PCDH15: variants seen among roughly 807,000 people sequenced by gnomAD.
PCDH15 encodes protocadherin related 15.
PCDH15 carries 129 observed loss-of-function variants against 178.5 expected under a neutral mutation model. The observed-to-expected ratio is 0.72, with a 90% CI of 0.63 to 0.84. PCDH15 has a LOEUF of 0.84. PCDH15 is among the 40% of genes least tolerant of loss of function. The pLI, the probability that PCDH15 is intolerant of heterozygous loss-of-function variation, is 0.00. For synonymous variants in PCDH15, 800 were observed against 732.0 expected (o/e 1.09, Z -1.50); for missense variants, 2,230 against 2,099.9 (o/e 1.06, Z -1.21).
chr10:53,809,694 T>C lies in PCDH15; in HGVS notation c.4671+862A>G, dbSNP rs571654780. The C allele has an allele frequency of 1.0e-5, 8 of 766,014 alleles. No homozygotes were observed. In the Admixed American group the frequency reaches 1.7e-4, roughly 16 times the overall value. 47.5% of individuals were successfully genotyped at this position (766,014 alleles called of 1,614,324 possible). On this transcript the variant is annotated intron_variant, in intron 37 of 37. Transcript: ENST00000644397. ...GCTTAAGAAAATAATCACAAAAATT[T>C]CTACTGCATATAGACAGAAGGTGAT...
intron 3 of PCDH15, among the ~76,000 whole-genome samples, chr10:54,502,030 C>T (rs1164200737): frequency 1.3e-5 from 2 of 151,670 alleles, no homozygotes; most frequent in African/African-American, 4.8e-5. Flanking sequence ...TCCTTTTCCT[C>T]CTCCTTCTCC....
At chr10:54,283,827 G>T (rs2058857565) in intron 8 of PCDH15, among the ~76,000 whole-genome samples, 1 of 152,008 alleles carries the variant, frequency 6.6e-6, no homozygotes, top group African/African-American at 2.4e-5. Flanking sequence ...AAATTAACAT[G>T]AGAAGACATG....
At chr10:55,258,758 CTTT>C (rs11398382) in intron 1 of PCDH15, among the ~76,000 whole-genome samples, 4 of 108,160 alleles carry the variant, frequency 3.7e-5, no homozygotes, top group Admixed American at 1.1e-4. Context: ...TGTTTGTCTG[CTTT>C]TTTTTTTTTT....
chr10:54,584,605 T>C (rs2091315034), intron 2 of PCDH15, among the ~76,000 whole-genome samples: 1 of 152,186 alleles, frequency 6.6e-6, no homozygotes, highest in Non-Finnish European at 1.5e-5. Flanking sequence ...GGTTTTCTAC[T>C]GCTTCAATAA....
At position 54,873,697 on chromosome 10, in the gene PCDH15, A is replaced by T. The variant is rs2203482; in HGVS notation, c.-29+23753T>A. The stretch of plus-strand genomic sequence containing the variant: ...AAATCTGAAGAAACTGCTGTATTTT[A>T]TATATATATATATATATATAATATA... On this transcript the variant is annotated intron_variant, in intron 3 of 5. Coordinates refer to the PCDH15 transcript ENST00000458638. 4.6e-3 allele frequency among the ~76,000 whole-genome samples: 340 copies of T among 74,258 alleles called. 1 individual carries two copies. The highest frequency in any genetic ancestry group is 0.014 in the African/African-American group (247 of 17,226). 48.7% of individuals were successfully genotyped at this position (74,258 alleles called of 152,430 possible). A position where few individuals can be genotyped will look rare whatever the true frequency, so the allele number is the denominator to read the frequency against.
chr10:54,233,769 A>G (rs145655437), intron 9 of PCDH15, among the ~76,000 whole-genome samples: 3 of 152,284 alleles, frequency 2.0e-5, no homozygotes, highest in African/African-American at 7.2e-5. Context: ...GCTTGCTTTT[A>G]TCTTTTTAGA....
At chr10:55,256,559 G>A (rs890784163) in intron 1 of PCDH15, among the ~76,000 whole-genome samples, 18 of 152,294 alleles carry the variant, frequency 1.2e-4, no homozygotes, top group African/African-American at 2.2e-4. Context: ...CTTGGCAAAC[G>A]GCACACCAGG....
intron 27 of PCDH15, among the ~76,000 whole-genome samples, chr10:53,858,576 T>A (rs2133055534): frequency 6.6e-6 from 1 of 152,290 alleles, no homozygotes. Flanking sequence ...TTGCAACTAG[T>A]TAGAAATCTA....
At chr10:54,814,088 A>AATCTC (rs1308020516) in intron 3 of PCDH15, among the ~76,000 whole-genome samples, 1 of 152,212 alleles carries the variant, frequency 6.6e-6, no homozygotes, top group African/African-American at 2.4e-5. Flanking sequence ...ATGTTCCTAA[A>AATCTC]ATCTCAAATA....
chr10:54,345,534 C>T (rs980022718), intron 6 of PCDH15, among the ~76,000 whole-genome samples: 1 of 151,738 alleles, frequency 6.6e-6, no homozygotes, highest in African/African-American at 2.4e-5. Context: ...CCAGCTCTAG[C>T]TTCAGTTAAA....
chr10:55,173,109 A>G (rs1839383809), intron 1 of PCDH15, among the ~76,000 whole-genome samples: 1 of 151,980 alleles, frequency 6.6e-6, no homozygotes, highest in African/African-American at 2.4e-5. Flanking sequence ...ATTCTGCAAA[A>G]AATTGATTTT....
At chr10:55,343,624 G>GA (rs149732673) in intron 2 of PCDH15, among the ~76,000 whole-genome samples, 40,971 of 148,506 alleles carry the variant, frequency 0.28, 6,171 homozygotes, top group Admixed American at 0.36. Context: ...AGCCCATCTT[G>GA]AAAAAAAAAA....
intron 2 of PCDH15, among the ~76,000 whole-genome samples, chr10:54,599,291 A>G (rs971764101): frequency 6.6e-6 from 1 of 152,130 alleles, no homozygotes; most frequent in Non-Finnish European, 1.5e-5. Context: ...ACAACATGGT[A>G]TTGGTACAAG....
chr10:55,313,566 A>T (rs1588903858), intron 1 of PCDH15, among the ~76,000 whole-genome samples: 1 of 152,202 alleles, frequency 6.6e-6, no homozygotes, highest in African/African-American at 2.4e-5. Context: ...TTGCTAGTGC[A>T]TAGGACAATT....
chr10:53,902,082 CAATT>C (rs1168999180), intron 26 of PCDH15, among the ~76,000 whole-genome samples: 2 of 152,070 alleles, frequency 1.3e-5, no homozygotes, highest in Admixed American at 6.6e-5. Context: ...AGAACTAAAT[CAATT>C]AAGAGTTAAT....
intron 3 of PCDH15, among the ~76,000 whole-genome samples, chr10:54,882,172 T>C (rs1954275934): frequency 6.6e-6 from 1 of 152,230 alleles, no homozygotes; most frequent in East Asian, 1.9e-4. Flanking sequence ...TCATCTGTTA[T>C]TAGTAATATA....
chr10:55,335,050 T>A (rs2132315186), intron 2 of PCDH15, among the ~76,000 whole-genome samples: 1 of 152,336 alleles, frequency 6.6e-6, no homozygotes, highest in Admixed American at 6.5e-5. Context: ...TGGATTGCAA[T>A]CTGCTATGGG....
At chr10:55,425,436 G>C (rs888754776) in intron 2 of PCDH15, among the ~76,000 whole-genome samples, 1 of 151,872 alleles carries the variant, frequency 6.6e-6, no homozygotes, top group African/African-American at 2.4e-5. Flanking sequence ...CATAATTAGA[G>C]ACTTTCTAAA....
chr10:54,745,277 C>G (rs1271772311), intron 1 of PCDH15, among the ~76,000 whole-genome samples: 2 of 151,714 alleles, frequency 1.3e-5, no homozygotes, highest in Non-Finnish European at 2.9e-5. Flanking sequence ...GTGATTGGAG[C>G]TCAGATGAAA....
Sources: gnomAD v4.1 joint callset for allele counts (sites outside exome capture counted in the v4.1 genomes callset) on GRCh38, gnomAD v4.1.1 for gene constraint, MANE v1.5 for transcripts, NCBI Gene and HGNC (gene_info 2026-07-23, HGNC 2026-07-21) for gene names.